DNAJC6: variants seen among roughly 807,000 people sequenced by gnomAD.
The protein encoded by DNAJC6 is auxilin.
DNAJC6 carries 34 observed loss-of-function variants against 110.0 expected under a neutral mutation model. The observed-to-expected ratio is 0.31, with a 90% CI of 0.24 to 0.41. The LOEUF (loss-of-function observed/expected upper bound fraction) is 0.41. Ranked by LOEUF, DNAJC6 falls within the 10% of genes least tolerant of loss-of-function variation. The pLI is 1.00. For synonymous variants in DNAJC6, 406 were observed against 437.2 expected, an observed-to-expected ratio of 0.93 and a Z score of 0.89; for missense variants, 1,031 against 1,207.8, an observed-to-expected ratio of 0.85 and a Z score of 2.17.
chr1:65,318,596 G>T (rs1265836429), intron 1 of DNAJC6, among the ~76,000 whole-genome samples: 1 of 152,188 alleles, frequency 6.6e-6, no homozygotes, highest in Non-Finnish European at 1.5e-5. Flanking sequence ...GCAAACTAAT[G>T]CAGGAACAGA....
At chr1:65,369,967 A>G (rs374688911) in intron 4 of DNAJC6, among the ~76,000 whole-genome samples, 1 of 152,234 alleles carries the variant, frequency 6.6e-6, no homozygotes, top group Non-Finnish European at 1.5e-5. Context: ...TGCATAGCAC[A>G]TAGCCCAGCA....
intron 1 of DNAJC6, among the ~76,000 whole-genome samples, chr1:65,297,735 T>C (rs1387782590): frequency 1.3e-5 from 2 of 152,172 alleles, no homozygotes; most frequent in African/African-American, 4.8e-5. Flanking sequence ...AGCTGCAAGA[T>C]TGGAAATGTA....
chr1:65,411,551 TAAA>T, intron 18 of DNAJC6, 125 bp downstream of exon 18: 1 of 842,296 alleles, frequency 1.2e-6, no homozygotes. Flanking sequence ...GTCAATGAGC[TAAA>T]ATCAGATATT....
intron 1 of DNAJC6, among the ~76,000 whole-genome samples, chr1:65,337,945 T>C (rs1645353326): frequency 6.6e-6 from 1 of 152,186 alleles, no homozygotes; most frequent in African/African-American, 2.4e-5. Context: ...TGAATGCTTC[T>C]AACACACTCA....
rs760136045 is a variant in DNAJC6, at chr1:65,385,903, T to C, written c.992T>C (p.Met331Thr). ...IYSTCTDFER[M>T]KEYRVQDGKI... ...TCGACTTGCACAGATTTTGAACGAATGAAGTAAGTCATGATACTTTACTTC... is the reference window on the plus strand; with the variant it reads ...TCGACTTGCACAGATTTTGAACGAACGAAGTAAGTCATGATACTTTACTTC... The change falls in exon 7 of 19, where the codon ATG becomes ACG. Residue 331 changes from methionine to threonine, a missense_variant. Transcript: ENST00000371069. The C allele has an allele frequency of 4.7e-5, 75 of 1,600,318 alleles. No individual in the cohort carries two copies. Among genetic ancestry groups the C allele is most frequent in the Non-Finnish European group, 6.2e-5 (72 of 1,169,298 alleles).
intron 1 of DNAJC6, among the ~76,000 whole-genome samples, chr1:65,298,390 G>C (rs1644946742): frequency 1.3e-5 from 2 of 152,066 alleles, no homozygotes; most frequent in South Asian, 4.1e-4. Flanking sequence ...GAAATGGGAA[G>C]GTATGCAGTT....
intron 1 of DNAJC6, among the ~76,000 whole-genome samples, chr1:65,269,165 C>T (rs527612848): frequency 1.6e-4 from 24 of 152,106 alleles, no homozygotes; most frequent in African/African-American, 4.3e-4. Context: ...GTCAGGAATT[C>T]AAGACCAGCC....
At chr1:65,299,857 C>G (rs1411553178) in intron 1 of DNAJC6, among the ~76,000 whole-genome samples, 1 of 151,916 alleles carries the variant, frequency 6.6e-6, no homozygotes, top group Non-Finnish European at 1.5e-5. Flanking sequence ...TGAGACCAGC[C>G]TGGCCAACAT....
intron 8 of DNAJC6, among the ~76,000 whole-genome samples, chr1:65,387,420 C>T (rs1645883485): frequency 6.6e-6 from 1 of 152,176 alleles, no homozygotes; most frequent in African/African-American, 2.4e-5. Context: ...TCATCACTCA[C>T]AAAAGATACC....
chr1:65,400,819 T>C (rs1255930287), intron 14 of DNAJC6, among the ~76,000 whole-genome samples: 7 of 152,248 alleles, frequency 4.6e-5, no homozygotes, highest in Non-Finnish European at 1.0e-4. Context: ...TTTGACATAC[T>C]GACTTGATTT....
At chr1:65,294,914 T>C (rs1053880353) in intron 1 of DNAJC6, among the ~76,000 whole-genome samples, 1 of 152,198 alleles carries the variant, frequency 6.6e-6, no homozygotes, top group Non-Finnish European at 1.5e-5. Context: ...TTTAGTTGAA[T>C]ATGTAAGGAT....
intron 1 of DNAJC6, among the ~76,000 whole-genome samples, chr1:65,312,031 T>C (rs1645106229): frequency 6.6e-6 from 1 of 152,204 alleles, no homozygotes; most frequent in Admixed American, 6.5e-5. Flanking sequence ...TAAATCAGAC[T>C]TTTTTAATAG....
At chr1:65,390,239 T>C (rs1168553446) in intron 11 of DNAJC6, among the ~76,000 whole-genome samples, 3 of 152,182 alleles carry the variant, frequency 2.0e-5, no homozygotes, top group South Asian at 2.1e-4. Context: ...CTGCTGCCTC[T>C]GTAATGAGAT....
chr1:65,398,451 C>T (rs1221450583), intron 13 of DNAJC6, among the ~76,000 whole-genome samples: 1 of 152,152 alleles, frequency 6.6e-6, no homozygotes, highest in African/African-American at 2.4e-5. Context: ...AGAGGTGGGA[C>T]ACACACACAT....
intron 9 of DNAJC6, among the ~76,000 whole-genome samples, chr1:65,388,868 C>T (rs928503067): frequency 2.0e-5 from 3 of 152,072 alleles, no homozygotes; most frequent in Non-Finnish European, 2.9e-5. Context: ...TCTAGGTGAA[C>T]GCAGTTGTGG....
chr1:65,348,564 A>G (rs1028751961), intron 1 of DNAJC6, among the ~76,000 whole-genome samples: 1 of 152,130 alleles, frequency 6.6e-6, no homozygotes, highest in Non-Finnish European at 1.5e-5. Flanking sequence ...ATTAATTTGT[A>G]TCATGTTAAT....
chr1:65,301,330 C>G (rs1025300324), intron 1 of DNAJC6, among the ~76,000 whole-genome samples: 1 of 152,124 alleles, frequency 6.6e-6, no homozygotes, highest in Non-Finnish European at 1.5e-5. Context: ...CACTTCCCCC[C>G]CCACAAACAA....
rs772437036 is a variant in DNAJC6 at position 65,384,200 on chromosome 1, G to A, written c.674G>A (p.Arg225Gln). Reference sequence around the variant, plus strand: ...ATGCATTTTCTTTGACAGGATGGACGGGCGGCATCATCAATTCTGGTTGGT... The same window carrying A: ...ATGCATTTTCTTTGACAGGATGGACAGGCGGCATCATCAATTCTGGTTGGT... ...NVCVVHCLDGRAASSILVGAM... is the reference protein window; with the variant it reads ...NVCVVHCLDGQAASSILVGAM... The change falls in exon 6 of 19, where the codon CGG becomes CAG. Residue 225 changes from arginine to glutamine, a missense_variant. Coordinates refer to ENST00000371069, the MANE Select transcript of DNAJC6 (RefSeq NM_001256864.2). The A allele has an allele frequency of 2.2e-5, 34 of 1,513,982 alleles. No homozygotes were observed. Among genetic ancestry groups the A allele is most frequent in the African/African-American group, 1.4e-5 (1 of 70,162 alleles). The allele number at this position is 1,513,982 out of a possible 1,614,324, so 93.8% of individuals were successfully genotyped here.
chr1:65,377,001 G>C (rs981016584), intron 4 of DNAJC6, among the ~76,000 whole-genome samples: 2 of 152,128 alleles, frequency 1.3e-5, no homozygotes, highest in African/African-American at 4.8e-5. Flanking sequence ...CTGACCTCGT[G>C]ATCTGCCTGC....
Sources: allele counts gnomAD v4.1 joint callset (sites outside exome capture counted in the v4.1 genomes callset), GRCh38; gene constraint gnomAD v4.1.1; transcripts MANE v1.5; gene names NCBI Gene and HGNC (gene_info 2026-07-23, HGNC 2026-07-21).